PMVK: variants seen among roughly 807,000 people sequenced by gnomAD.
PMVK encodes the protein testis tissue sperm-binding protein Li 95mP.
PMVK carries 10 observed loss-of-function variants against 19.0 expected under a neutral mutation model. That is an observed-to-expected ratio of 0.53 (90% CI 0.32 to 0.89). The LOEUF is 0.89. PMVK is among the 40% of genes least tolerant of loss of function. The probability of loss-of-function intolerance (pLI) is 0.03; values close to 1 mark genes in which losing one functional copy is unlikely to be tolerated. For synonymous variants in PMVK, 108 were observed against 101.6 expected (o/e 1.06, Z -0.38); for missense variants, 222 against 251.1 (o/e 0.88, Z 0.78).
rs1558027993 is a variant in PMVK at position 154,924,807 on chromosome 1, G to A, written c.*322C>T. ...GGGTTCTTGCCCAGAACAAGGGGCT[G>A]AGAACATCCAGTCAGGATGCAAGGC... On this transcript the variant is annotated 3_prime_UTR_variant, in exon 5 of 5. Coordinates refer to ENST00000368467, the MANE Select transcript of PMVK (RefSeq NM_006556.4). The A allele has an allele frequency of 3.0e-6, 1 of 337,964 alleles. No homozygotes were observed. The highest frequency in any genetic ancestry group is 6.2e-5 in the East Asian group (1 of 16,168). The allele number at this position is 337,964 out of a possible 1,614,324, so 20.9% of individuals were successfully genotyped here.
chr1:154,928,940 G>A, intron 3 of PMVK, 84 bp downstream of exon 3: 3 of 1,341,984 alleles, frequency 2.2e-6, no homozygotes. Context: ...GGGCCAGGAT[G>A]GTGGCAGTGG....
rs1301033690 is a variant in PMVK, at chr1:154,936,640, C to G, written c.46G>C (p.Gly16Arg). The G allele has an allele frequency of 1.2e-6, 2 of 1,609,522 alleles. No homozygotes were observed. Among genetic ancestry groups the G allele is most frequent in the Non-Finnish European group, 1.7e-6 (2 of 1,178,314 alleles). Residue 16 changes from glycine to arginine, a missense_variant, in exon 1 of 5, where the codon GGC (glycine) becomes CGC (arginine). Physicochemically the swap from Gly to Arg is moderately radical, Grantham distance 125. Transcript: ENST00000368467. Reference protein sequence around the residue: ...GAPRLVLLFSGKRKSGKDFVT... With the variant: ...GAPRLVLLFSRKRKSGKDFVT... ...AAGTCCTTCCCGGATTTCCTCTTGC[C>G]GCTGAACAGCAGTACCAGCCGCGGG...
At chr1:154,928,968 CA>C in intron 3 of PMVK, 55 bp downstream of exon 3, 6 of 1,542,698 alleles carry the variant, frequency 3.9e-6, no homozygotes, top group Non-Finnish European at 5.4e-6. Context: ...GAGAGATGGA[CA>C]CAGCGAAGAG....
chr1:154,931,855 A>AT (rs1367543497), intron 2 of PMVK, among the ~76,000 whole-genome samples: 1 of 151,568 alleles, frequency 6.6e-6, no homozygotes, highest in Non-Finnish European at 1.5e-5. Flanking sequence ...TTTAAAAAAA[A>AT]TTTTTTTTAA....
chr1:154,936,773 A>T (rs1654522389), upstream of PMVK: 1 of 1,215,856 alleles, frequency 8.2e-7, no homozygotes. Context: ...GCGGCCACTA[A>T]GCGGAGCGGC....
At chr1:154,928,899 C>T (rs972441076) in intron 3 of PMVK, 125 bp downstream of exon 3, 14 of 902,736 alleles carry the variant, frequency 1.6e-5, no homozygotes, top group East Asian at 2.4e-5. Context: ...GAGGCTACTG[C>T]GACTGTCCAG....
chr1:154,928,635 G>A lies in PMVK; in HGVS notation c.312+389C>T, dbSNP rs530370484. Among the ~76,000 whole-genome samples, 444 of 152,172 alleles carry A rather than the reference G, an allele frequency of 2.9e-3. 1 individual carries two copies. Among genetic ancestry groups the A allele is most frequent in the Middle Eastern group, 0.014 (4 of 294 alleles). ...AAAAATACAAAAATTAGCCAGGCGT[G>A]GTGGTGGACACCTGTAGTCCCAGCT... On this transcript the variant is annotated intron_variant, in intron 3 of 4. Transcript: ENST00000368467.
rs1158076898 is a variant in PMVK, at chr1:154,927,462, A to C, written c.313-979T>G. Among the ~76,000 whole-genome samples, 3 of 149,900 alleles carry C rather than the reference A, an allele frequency of 2.0e-5. 1 individual carries two copies. The highest frequency in any genetic ancestry group is 1.3e-4 in the Admixed American group (2 of 15,040). ...AGACTCTGTCTCAAAAAAAAAAAAAAAAAAAAAAAAAAAACACAGGAAAGT... is the reference window on the plus strand; with the variant it reads ...AGACTCTGTCTCAAAAAAAAAAAAACAAAAAAAAAAAAAACACAGGAAAGT... On this transcript the variant is annotated intron_variant, in intron 3 of 4. Transcript: ENST00000368467.
At chr1:154,939,933 CT>C (rs59217610), upstream of PMVK, among the ~76,000 whole-genome samples, 79,965 of 145,272 alleles carry the variant, frequency 0.55, 22,414 homozygotes, top group East Asian at 0.88. Flanking sequence ...CTGAGTTAAA[CT>C]TTTTTTTTTT....
At chr1:154,936,873 T>C (rs999778025), upstream of PMVK, 9 of 591,256 alleles carry the variant, frequency 1.5e-5, no homozygotes, top group Middle Eastern at 4.5e-4. Flanking sequence ...CAAACAGATA[T>C]GGGGAGAAAA....
chr1:154,929,252 T>G (rs910877840), intron 2 of PMVK, 76 bp from the exon 3 acceptor site: 8 of 1,395,590 alleles, frequency 5.7e-6, no homozygotes, highest in Non-Finnish European at 8.1e-6. Context: ...GGAAGAGCCA[T>G]CCCTCACCCT....
Position 154,936,651 on chromosome 1 carries a change from AG to A in PMVK, c.34del (p.Leu12CysfsTer14). The A allele has an allele frequency of 6.8e-6, 11 of 1,609,086 alleles. No homozygotes were observed. Among genetic ancestry groups the A allele is most frequent in the Non-Finnish European group, 8.5e-6 (10 of 1,178,212 alleles). On this transcript the variant is annotated frameshift_variant, in exon 1 of 5. Coordinates refer to ENST00000368467, the MANE Select transcript of PMVK (RefSeq NM_006556.4). LOFTEE classifies it high-confidence loss of function. ...GGATTTCCTCTTGCCGCTGAACAGC[AG>A]TACCAGCCGCGGGGCGCCTCCCAGC... ...APLGGAPRLV[L>X]LFSGKRKSGK...
intron 2 of PMVK, among the ~76,000 whole-genome samples, chr1:154,929,784 C>T (rs906591280): frequency 1.3e-5 from 2 of 152,118 alleles, no homozygotes; most frequent in African/African-American, 4.8e-5. Context: ...GAACTCCTTT[C>T]TCCCCTTTCC....
upstream of PMVK, among the ~76,000 whole-genome samples, chr1:154,941,234 G>A (rs1215036943): frequency 1.3e-5 from 2 of 152,174 alleles, no homozygotes; most frequent in Non-Finnish European, 2.9e-5. Context: ...CAGGTGAGCG[G>A]GGAAGGGGTT....
chr1:154,939,611 T>A (rs1654599538), upstream of PMVK, among the ~76,000 whole-genome samples: 1 of 147,418 alleles, frequency 6.8e-6, no homozygotes, highest in African/African-American at 2.5e-5. Context: ...GGCAGGAGAA[T>A]GGCGTGAACC....
At position 154,936,596 on chromosome 1, in the gene PMVK, C is replaced by T. The variant is rs1291549276; in HGVS notation, c.90G>A (p.Gln30=). 6.2e-7 allele frequency: 1 copy of T among 1,602,062 alleles called. No individual in the cohort carries two copies. Residue 30 remains glutamine, a synonymous_variant, in exon 1 of 5, where the codon CAG becomes CAA. Coordinates refer to ENST00000368467, the MANE Select transcript of PMVK (RefSeq NM_006556.4). The part of the protein sequence containing the change: ...SGKDFVTEAL[Q]SRLGADVCAV... ...CTTTCCCGCCTCACGGACACCTGCT[C>T]TGCAGCGCCTCGGTCACGAAGTCCT... is the stretch of plus-strand genomic sequence containing the variant.
At chr1:154,931,269 T>C (rs906917587) in intron 2 of PMVK, among the ~76,000 whole-genome samples, 11 of 151,892 alleles carry the variant, frequency 7.2e-5, no homozygotes, top group Admixed American at 1.3e-4. Flanking sequence ...CTCTGGCCAA[T>C]TGAGGGGCCA....
At chr1:154,940,752 T>TG (rs1558034787), upstream of PMVK, among the ~76,000 whole-genome samples, 1 of 152,196 alleles carries the variant, frequency 6.6e-6, no homozygotes, top group Non-Finnish European at 1.5e-5. Context: ...GGGCAAGGAT[T>TG]GGGGGGCCCC....
At chr1:154,940,783 G>A (rs143203909), upstream of PMVK, among the ~76,000 whole-genome samples, 1 of 152,280 alleles carries the variant, frequency 6.6e-6, no homozygotes, top group African/African-American at 2.4e-5. Context: ...GCACAGTATT[G>A]AGACCTGAAT....
Sources: allele counts gnomAD v4.1 joint callset (sites outside exome capture counted in the v4.1 genomes callset), GRCh38; gene constraint gnomAD v4.1.1; transcripts MANE v1.5; gene names NCBI Gene and HGNC (gene_info 2026-07-23, HGNC 2026-07-21).